The following ACTR3B variants were observed in gnomAD, a reference collection of about 807,000 sequenced individuals.
ACTR3B encodes the protein actin-related protein 3B.
In ACTR3B, 8 loss-of-function variants were observed where a neutral mutation model predicts 59.0. The observed-to-expected ratio is 0.14, with a 90% CI of 0.08 to 0.24. The LOEUF is 0.24. Among genes scored for constraint, ACTR3B ranks in the 10% least tolerant of loss-of-function variants. The probability of loss-of-function intolerance (pLI) is 1.00; values close to 1 mark genes in which losing one functional copy is unlikely to be tolerated. For missense variants in ACTR3B, 245 were observed against 552.3 expected, an observed-to-expected ratio of 0.44 and a Z score of 5.58; for synonymous variants, 148 against 197.9, an observed-to-expected ratio of 0.75 and a Z score of 2.12.
At chr7:152,804,350 G>T (rs773309729) in intron 4 of ACTR3B, among the ~76,000 whole-genome samples, 1 of 152,216 alleles carries the variant, frequency 6.6e-6, no homozygotes, top group Non-Finnish European at 1.5e-5. Context: ...ACATGCAGAC[G>T]ACCAGCAATG....
At chr7:152,842,931 G>T (rs1430800047) in intron 9 of ACTR3B, among the ~76,000 whole-genome samples, 4 of 152,202 alleles carry the variant, frequency 2.6e-5, no homozygotes, top group Non-Finnish European at 5.9e-5. Flanking sequence ...TAAGCTGTAT[G>T]ATCCTGATGA....
intron 2 of ACTR3B, among the ~76,000 whole-genome samples, chr7:152,790,207 G>A (rs1441333171): frequency 6.6e-6 from 1 of 152,164 alleles, no homozygotes; most frequent in Non-Finnish European, 1.5e-5. Flanking sequence ...TGCCTGTCCT[G>A]GTCTCGAACT....
chr7:152,849,690 A>G (rs1258209047), intron 9 of ACTR3B, among the ~76,000 whole-genome samples: 2 of 152,272 alleles, frequency 1.3e-5, no homozygotes, highest in African/African-American at 4.8e-5. Flanking sequence ...CACTTGTTGC[A>G]GTGAAAGGGT....
At chr7:152,808,581 T>G (rs2098259648) in intron 4 of ACTR3B, among the ~76,000 whole-genome samples, 1 of 152,236 alleles carries the variant, frequency 6.6e-6, no homozygotes, top group Non-Finnish European at 1.5e-5. Flanking sequence ...AATAGGCAGC[T>G]CTTTGCTGGG....
chr7:152,808,250 C>T (rs1021860327), intron 4 of ACTR3B, among the ~76,000 whole-genome samples: 4 of 151,938 alleles, frequency 2.6e-5, no homozygotes, highest in African/African-American at 9.7e-5. Context: ...ATAGATACCA[C>T]ATTCTGCTTA....
intron 7 of ACTR3B, among the ~76,000 whole-genome samples, chr7:152,821,203 T>C (rs1328991701): frequency 2.0e-5 from 3 of 152,146 alleles, no homozygotes; most frequent in Admixed American, 2.0e-4. Flanking sequence ...GAGGTATCAT[T>C]AGATATTCTT....
At chr7:152,804,358 A>G (rs1342813554) in intron 4 of ACTR3B, among the ~76,000 whole-genome samples, 2 of 152,198 alleles carry the variant, frequency 1.3e-5, no homozygotes, top group Non-Finnish European at 2.9e-5. Context: ...ACGACCAGCA[A>G]TGAGAGGGCG....
chr7:152,834,469 A>G (rs1797283949), intron 9 of ACTR3B, among the ~76,000 whole-genome samples: 1 of 152,174 alleles, frequency 6.6e-6, no homozygotes, highest in Admixed American at 6.5e-5. Flanking sequence ...TGTTTATGTT[A>G]TTACTTCATC....
chr7:152,818,598 G>A (rs1181062241), intron 6 of ACTR3B, among the ~76,000 whole-genome samples: 1 of 152,160 alleles, frequency 6.6e-6, no homozygotes, highest in East Asian at 1.9e-4. Flanking sequence ...TTACAGGCAT[G>A]CGCCACCATG....
At chr7:152,789,005 G>A (rs1187913273) in intron 2 of ACTR3B, among the ~76,000 whole-genome samples, 1 of 151,836 alleles carries the variant, frequency 6.6e-6, no homozygotes, top group Non-Finnish European at 1.5e-5. Flanking sequence ...CTGGGCAGCA[G>A]AACCAGACGC....
chr7:152,803,931 T>C (rs1445222336), intron 4 of ACTR3B, among the ~76,000 whole-genome samples: 1 of 152,188 alleles, frequency 6.6e-6, no homozygotes, highest in Non-Finnish European at 1.5e-5. Context: ...CTTAACCGTA[T>C]GTTAATGGAA....
At position 152,816,637 on chromosome 7, in the gene ACTR3B, T is replaced by G. The variant is rs1336549587; in HGVS notation, c.540+49T>G. 2.0e-6 allele frequency: 3 copies of G among 1,499,668 alleles called. No individual in the cohort carries two copies. In the South Asian group the frequency reaches 3.9e-5, roughly 20 times the overall value. The allele number at this position is 1,499,668 out of a possible 1,614,324, so 92.9% of individuals were successfully genotyped here. A position where few individuals can be genotyped will look rare whatever the true frequency, so the allele number is the denominator to read the frequency against. On this transcript the variant is annotated intron_variant, in intron 6 of 11. Transcript: ENST00000256001. ...AGTCTCTGTAGGCTTAACACCTGAT[T>G]CGAGGTAAGGATGGAAATAAAAAAA...
intron 8 of ACTR3B, 120 bp downstream of exon 8, chr7:152,823,635 T>G: frequency 1.6e-6 from 2 of 1,248,614 alleles, no homozygotes; most frequent in Non-Finnish European, 2.3e-6. Context: ...ATTCGGTCTC[T>G]CTGCATCCCC....
At chr7:152,842,728 C>A (rs1464355452) in intron 9 of ACTR3B, among the ~76,000 whole-genome samples, 4 of 152,144 alleles carry the variant, frequency 2.6e-5, no homozygotes, top group Non-Finnish European at 5.9e-5. Flanking sequence ...TTACAAAAAA[C>A]CCTGCTATGA....
chr7:152,842,206 G>T (rs553788950), intron 9 of ACTR3B, among the ~76,000 whole-genome samples: 50 of 152,236 alleles, frequency 3.3e-4, no homozygotes, highest in African/African-American at 1.1e-3. Flanking sequence ...TTTTTTTCCT[G>T]TACATACATA....
At chr7:152,781,275 A>C (rs2098152856) in intron 1 of ACTR3B, among the ~76,000 whole-genome samples, 1 of 135,134 alleles carries the variant, frequency 7.4e-6, no homozygotes, top group Non-Finnish European at 1.5e-5. Context: ...GTAGGAGATG[A>C]TATCTGTGAT....
intron 10 of ACTR3B, among the ~76,000 whole-genome samples, chr7:152,852,843 G>A (rs140698648): frequency 6.6e-6 from 1 of 152,010 alleles, no homozygotes; most frequent in Admixed American, 6.6e-5. Context: ...CCAGGCTGGA[G>A]TGCAGTGGTG....
intron 9 of ACTR3B, among the ~76,000 whole-genome samples, chr7:152,846,631 TGAGCCCCAGCGCCCGGG>T (rs1798324472): frequency 7.0e-6 from 1 of 143,740 alleles, no homozygotes. Flanking sequence ...CAGTCTGTAG[TGAGCCCCAGCGCCCGGG>T]CTGCAGTCTG....
At chr7:152,760,900 C>A (rs2098087435) in intron 1 of ACTR3B, among the ~76,000 whole-genome samples, 1 of 151,856 alleles carries the variant, frequency 6.6e-6, no homozygotes, top group Non-Finnish European at 1.5e-5. Context: ...GGTCTCTTAG[C>A]GATTTTTTTC....
Sources: allele counts gnomAD v4.1 joint callset (sites outside exome capture counted in the v4.1 genomes callset), GRCh38; gene constraint gnomAD v4.1.1; transcripts MANE v1.5; gene names NCBI Gene and HGNC (gene_info 2026-07-23, HGNC 2026-07-21).